KCND2: variants seen among roughly 807,000 people sequenced by gnomAD.
KCND2 encodes the protein potassium voltage-gated channel subfamily D member 2.
KCND2 carries 16 observed loss-of-function variants against 54.4 expected under a neutral mutation model. The ratio of observed to expected loss-of-function variants is 0.29; its 90% CI spans 0.20 to 0.45. KCND2 has a LOEUF of 0.45. KCND2 is among the 20% of genes least tolerant of loss of function. The probability of loss-of-function intolerance (pLI) is 1.00; values close to 1 mark genes in which losing one functional copy is unlikely to be tolerated. For synonymous variants in KCND2, 317 were observed against 310.7 expected, an observed-to-expected ratio of 1.02 and a Z score of -0.21; for missense variants, 486 against 824.2, an observed-to-expected ratio of 0.59 and a Z score of 5.02.
chr7:120,732,423 G>A (rs992258556), intron 1 of KCND2, among the ~76,000 whole-genome samples: 1 of 152,152 alleles, frequency 6.6e-6, no homozygotes, highest in Non-Finnish European at 1.5e-5. Flanking sequence ...GGTTAATGGG[G>A]ACCTTGAAAA....
At chr7:120,427,579 A>G (rs1801729115) in intron 1 of KCND2, among the ~76,000 whole-genome samples, 1 of 152,236 alleles carries the variant, frequency 6.6e-6, no homozygotes, top group Non-Finnish European at 1.5e-5. Context: ...AATTGTGAAT[A>G]GACTATTAAA....
chr7:120,610,363 C>T (rs1020035142), intron 1 of KCND2, among the ~76,000 whole-genome samples: 14 of 152,110 alleles, frequency 9.2e-5, no homozygotes, highest in African/African-American at 3.4e-4. Flanking sequence ...ATTTCTCCTC[C>T]ATAACTGAAA....
At chr7:120,439,404 A>G (rs1334003737) in intron 1 of KCND2, among the ~76,000 whole-genome samples, 2 of 152,116 alleles carry the variant, frequency 1.3e-5, no homozygotes, top group East Asian at 3.8e-4. Context: ...GCACATATTT[A>G]TGGAATGCAG....
At chr7:120,296,159 G>A (rs1459131391) in intron 1 of KCND2, among the ~76,000 whole-genome samples, 4 of 152,046 alleles carry the variant, frequency 2.6e-5, no homozygotes, top group Admixed American at 6.6e-5. Flanking sequence ...TAGTCATTCA[G>A]TCTCCTTTTG....
intron 1 of KCND2, among the ~76,000 whole-genome samples, chr7:120,547,032 C>T (rs555703621): frequency 2.6e-5 from 4 of 151,832 alleles, no homozygotes; most frequent in South Asian, 4.2e-4. Context: ...AGCTGTCTTA[C>T]AACTGATATT....
At chr7:120,618,107 G>A (rs1210587107) in intron 1 of KCND2, among the ~76,000 whole-genome samples, 1 of 152,098 alleles carries the variant, frequency 6.6e-6, no homozygotes, top group Non-Finnish European at 1.5e-5. Context: ...CCAAACCCCA[G>A]TGACACGATT....
rs779459375 is a variant in KCND2, at chr7:120,504,679, C to T, written c.1116-228224C>T. 1.6e-4 allele frequency among the ~76,000 whole-genome samples: 24 copies of T among 151,780 alleles called. 1 individual carries two copies. The highest frequency in any genetic ancestry group is 2.9e-4 in the Non-Finnish European group (20 of 67,854). On this transcript the variant is annotated intron_variant, in intron 1 of 5. Transcript: ENST00000331113. ...TTAAAATTAGAAAAATATTGGTATA[C>T]ATGTTTGAATTAAGGATTAGAGGGT... is the stretch of plus-strand genomic sequence containing the variant.
chr7:120,684,243 A>T (rs1156428716), intron 1 of KCND2, among the ~76,000 whole-genome samples: 2 of 152,158 alleles, frequency 1.3e-5, no homozygotes. Flanking sequence ...ACGTTTGCTA[A>T]AATACATTTT....
chr7:120,504,045 A>G (rs1046997855), intron 1 of KCND2, among the ~76,000 whole-genome samples: 6 of 151,998 alleles, frequency 3.9e-5, no homozygotes, highest in African/African-American at 1.4e-4. Context: ...AAATAATGAA[A>G]GAGATTTGTT....
chr7:120,572,725 C>T (rs1792381755), intron 1 of KCND2, among the ~76,000 whole-genome samples: 1 of 152,088 alleles, frequency 6.6e-6, no homozygotes, highest in Non-Finnish European at 1.5e-5. Flanking sequence ...ATCATATTGG[C>T]CAGGCTGGTC....
At position 120,391,374 on chromosome 7, in the gene KCND2, C is replaced by T. The variant is rs183653843; in HGVS notation, c.1115+115627C>T. Among the ~76,000 whole-genome samples the T allele has an allele frequency of 1.9e-4, 29 of 152,216 alleles. 1 individual carries two copies. In the East Asian group the frequency reaches 2.7e-3, roughly 14 times the overall value. ...CTGTTGTAAATAGTGCTGCAATAAA[C>T]GTATGTGTGCATGTGTCTTTATAGC... On this transcript the variant is annotated intron_variant, in intron 1 of 5. Transcript: ENST00000331113.
intron 1 of KCND2, among the ~76,000 whole-genome samples, chr7:120,464,707 C>G (rs1343160962): frequency 1.3e-5 from 2 of 152,116 alleles, no homozygotes; most frequent in East Asian, 1.9e-4. Flanking sequence ...ATGACATAAT[C>G]TAGTTATTTG....
chr7:120,735,913 T>C (rs1385802135), intron 2 of KCND2, among the ~76,000 whole-genome samples: 1 of 152,084 alleles, frequency 6.6e-6, no homozygotes, highest in African/African-American at 2.4e-5. Flanking sequence ...TATTTTCTAT[T>C]TTCCTTCCCA....
intron 1 of KCND2, among the ~76,000 whole-genome samples, chr7:120,390,223 A>G (rs1410627992): frequency 6.6e-6 from 1 of 151,914 alleles, no homozygotes; most frequent in Admixed American, 6.6e-5. Context: ...AATTTTTACT[A>G]CCTGGTTCCA....
At chr7:120,462,035 C>T (rs767440464) in intron 1 of KCND2, among the ~76,000 whole-genome samples, 3 of 152,070 alleles carry the variant, frequency 2.0e-5, no homozygotes, top group Non-Finnish European at 4.4e-5. Context: ...ATTCCTCTTA[C>T]AATGCCATGG....
rs536409769 is a variant in KCND2, at chr7:120,512,917, C to T, written c.1116-219986C>T. 8.6e-5 allele frequency among the ~76,000 whole-genome samples: 13 copies of T among 151,536 alleles called. No homozygotes were observed. The East Asian group carries it at 2.5e-3, about 30-fold the overall frequency. On this transcript the variant is annotated intron_variant, in intron 1 of 5. Transcript: ENST00000331113. ...TCAAGACATTCCTGTGCCTCGGCCT[C>T]CTTAGTAGGGGGGATTAGAGGCATG...
chr7:120,485,173 T>C (rs1338330037), intron 1 of KCND2, among the ~76,000 whole-genome samples: 1 of 152,116 alleles, frequency 6.6e-6, no homozygotes, highest in Non-Finnish European at 1.5e-5. Context: ...TAGGCATGAG[T>C]GACTGCACCC....
chr7:120,741,831 A>G (rs923424738), intron 3 of KCND2, among the ~76,000 whole-genome samples: 6 of 152,126 alleles, frequency 3.9e-5, no homozygotes, highest in African/African-American at 1.4e-4. Flanking sequence ...ACTATGAAAT[A>G]CTGCCAGTGA....
At chr7:120,506,896 C>G (rs1803030891) in intron 1 of KCND2, among the ~76,000 whole-genome samples, 1 of 151,606 alleles carries the variant, frequency 6.6e-6, no homozygotes. Context: ...TTACTGAAGT[C>G]TTTAGTAGTC....
Sources: allele counts gnomAD v4.1 joint callset (sites outside exome capture counted in the v4.1 genomes callset), GRCh38; gene constraint gnomAD v4.1.1; transcripts MANE v1.5; gene names NCBI Gene and HGNC (gene_info 2026-07-23, HGNC 2026-07-21).